The following MYO1B variants were observed in gnomAD, a reference collection of about 807,000 sequenced individuals.
MYO1B encodes the protein myosin IB.
A neutral mutation model predicts 159.7 loss-of-function variants in MYO1B; 72 were observed. The ratio of observed to expected loss-of-function variants is 0.45; its 90% CI spans 0.37 to 0.55. The LOEUF is 0.55. Ranked by LOEUF, MYO1B falls within the 20% of genes least tolerant of loss-of-function variation. MYO1B has a pLI of 0.00. For missense variants in MYO1B, 1,062 were observed against 1,364.8 expected (o/e 0.78, Z 3.50); for synonymous variants, 468 against 473.8 (o/e 0.99, Z 0.16).
chr2:191,298,549 T>C (rs1004513571), intron 3 of MYO1B, among the ~76,000 whole-genome samples: 5 of 152,214 alleles, frequency 3.3e-5, no homozygotes, highest in Admixed American at 6.5e-5. Context: ...ACAAGCTTTC[T>C]GGGTGATTCT....
At chr2:191,247,189 A>G (rs1685844591) in intron 1 of MYO1B, among the ~76,000 whole-genome samples, 1 of 152,192 alleles carries the variant, frequency 6.6e-6, no homozygotes, top group Non-Finnish European at 1.5e-5. Context: ...GGTTAGCATT[A>G]CTGTGGTGAT....
chr2:191,322,799 C>G (rs1033298418), intron 3 of MYO1B, among the ~76,000 whole-genome samples: 1 of 151,946 alleles, frequency 6.6e-6, no homozygotes, highest in African/African-American at 2.4e-5. Flanking sequence ...CAATCCAGAC[C>G]CCAAGAGAGA....
chr2:191,276,467 A>T (rs952858254), intron 1 of MYO1B, among the ~76,000 whole-genome samples: 2 of 152,208 alleles, frequency 1.3e-5, no homozygotes, highest in Non-Finnish European at 2.9e-5. Context: ...GTAAACAACA[A>T]ATGTTAGCAG....
intron 24 of MYO1B, among the ~76,000 whole-genome samples, chr2:191,403,596 C>T (rs1205431538): frequency 6.6e-6 from 1 of 152,144 alleles, no homozygotes; most frequent in Non-Finnish European, 1.5e-5. Context: ...TCTGAGTAAT[C>T]ATTGACTCTA....
At chr2:191,284,609 C>CT (rs1010095767) in intron 2 of MYO1B, among the ~76,000 whole-genome samples, 6 of 151,408 alleles carry the variant, frequency 4.0e-5, no homozygotes, top group East Asian at 1.9e-4. Flanking sequence ...TCCAGAATCA[C>CT]TTTTTTTTTG....
chr2:191,408,828 C>T (rs960910406), intron 25 of MYO1B, among the ~76,000 whole-genome samples: 2 of 152,188 alleles, frequency 1.3e-5, no homozygotes, highest in African/African-American at 4.8e-5. Flanking sequence ...GTTAGCATTA[C>T]TATTCTTCTT....
intron 1 of MYO1B, among the ~76,000 whole-genome samples, chr2:191,255,656 C>G (rs1418828895): frequency 2.6e-5 from 4 of 152,184 alleles, no homozygotes; most frequent in Admixed American, 2.6e-4. Flanking sequence ...GTTTTACACA[C>G]TATTATGACA....
intron 21 of MYO1B, among the ~76,000 whole-genome samples, chr2:191,399,083 G>A (rs1260183971): frequency 2.0e-5 from 3 of 152,174 alleles, no homozygotes; most frequent in Non-Finnish European, 4.4e-5. Flanking sequence ...GGCCAACACA[G>A]CAAAACCCCG....
intron 11 of MYO1B, among the ~76,000 whole-genome samples, chr2:191,364,596 A>G (rs563904672): frequency 1.3e-5 from 2 of 152,376 alleles, no homozygotes; most frequent in East Asian, 3.9e-4. Context: ...AGGAGACTCA[A>G]GTGAGGTGGG....
chr2:191,330,710 A>G (rs1691415696), intron 4 of MYO1B, among the ~76,000 whole-genome samples: 1 of 152,214 alleles, frequency 6.6e-6, no homozygotes, highest in African/African-American at 2.4e-5. Context: ...TGCTGTTATC[A>G]GTGGGTTTTT....
chr2:191,402,846 A>T, intron 24 of MYO1B, 128 bp downstream of exon 24: 1 of 655,086 alleles, frequency 1.5e-6, no homozygotes, highest in Non-Finnish European at 2.4e-6. Flanking sequence ...CATCTTGCTT[A>T]ATTTTGTACC....
chr2:191,304,739 A>G (rs1004962635), intron 3 of MYO1B, among the ~76,000 whole-genome samples: 2 of 152,242 alleles, frequency 1.3e-5, no homozygotes, highest in African/African-American at 4.8e-5. Flanking sequence ...TTGTTATGAT[A>G]TAAGAATACA....
intron 3 of MYO1B, among the ~76,000 whole-genome samples, chr2:191,323,588 GTAATC>G (rs1433726995): frequency 6.6e-6 from 1 of 152,114 alleles, no homozygotes; most frequent in Non-Finnish European, 1.5e-5. Context: ...GCTGACCTAA[GTAATC>G]TATGAAATTT....
In MYO1B at chr2:191,376,938, C is replaced by A. The variant is rs537324420; in HGVS notation, c.1186-4524C>A. 3.3e-4 allele frequency among the ~76,000 whole-genome samples: 50 copies of A among 152,230 alleles called. No individual in the cohort carries two copies. The East Asian group carries it at 8.7e-3, about 26-fold the overall frequency. Reference sequence around the variant, plus strand: ...TACAAAGGGGCCAGTATTTTTGATACATCTTAATTTATATTGGAGAGTTTA... The same window carrying A: ...TACAAAGGGGCCAGTATTTTTGATAAATCTTAATTTATATTGGAGAGTTTA... On this transcript the variant is annotated intron_variant, in intron 13 of 30. Transcript: ENST00000392318.
chr2:191,414,056 A>T lies in MYO1B; in HGVS notation c.2882A>T (p.Gln961Leu), dbSNP rs1140895. 26 of 1,603,544 alleles carry T rather than the reference A, an allele frequency of 1.6e-5. No homozygotes were observed. The highest frequency in any genetic ancestry group is 2.2e-5 in the Non-Finnish European group (26 of 1,176,514). ...KKALYPSSVG[Q>L]PFQGAYLEIN... ...GAATTTTTTTCCTTTAGTGTTGGGCAACCATTCCAAGGGGCTTACCTGGAA... is the reference window on the plus strand; with the variant it reads ...GAATTTTTTTCCTTTAGTGTTGGGCTACCATTCCAAGGGGCTTACCTGGAA... The change falls in exon 28 of 31, where the codon CAA (glutamine) becomes CTA (leucine). Residue 961 changes from glutamine to leucine, a missense_variant. Gln to Leu is a moderately radical substitution (Grantham distance 113). Transcript: ENST00000392318.
At chr2:191,300,213 CTG>C (rs1476099783) in intron 3 of MYO1B, among the ~76,000 whole-genome samples, 3 of 152,142 alleles carry the variant, frequency 2.0e-5, no homozygotes, top group African/African-American at 7.2e-5. Context: ...TGCATTCTAA[CTG>C]TAAATATTTC....
At chr2:191,385,761 T>C in intron 15 of MYO1B, 123 bp from the exon 16 acceptor site, 1 of 1,038,316 alleles carries the variant, frequency 9.6e-7, no homozygotes, top group Non-Finnish European at 1.4e-6. Context: ...TCTCTGCTTT[T>C]TGTTATAACT....
At chr2:191,408,891 G>A (rs910231261) in intron 25 of MYO1B, among the ~76,000 whole-genome samples, 153 bp from the exon 26 acceptor site, 2 of 152,230 alleles carry the variant, frequency 1.3e-5, no homozygotes, top group African/African-American at 2.4e-5. Flanking sequence ...ATGAAAGAGT[G>A]GAGTAGAGAC....
At position 191,347,639 on chromosome 2, in the gene MYO1B, A is replaced by G. The variant is rs140287746; in HGVS notation, c.498+1357A>G. ...GATTTGGCTTATTAAGTAACTTCAGAGAAATCCTATTATAACACGGGTATT... is the reference window on the plus strand; with the variant it reads ...GATTTGGCTTATTAAGTAACTTCAGGGAAATCCTATTATAACACGGGTATT... On this transcript the variant is annotated intron_variant, in intron 6 of 30. Coordinates refer to ENST00000392318, the MANE Select transcript of MYO1B (RefSeq NM_001130158.3). Among the ~76,000 whole-genome samples, 137 of 152,358 alleles carry G rather than the reference A, an allele frequency of 9.0e-4. 1 individual carries two copies. In the Middle Eastern group the frequency reaches 0.027, roughly 30 times the overall value.
Sources: gnomAD v4.1 joint callset for allele counts (sites outside exome capture counted in the v4.1 genomes callset) on GRCh38, gnomAD v4.1.1 for gene constraint, MANE v1.5 for transcripts, NCBI Gene and HGNC (gene_info 2026-07-23, HGNC 2026-07-21) for gene names.